Variants in BAZ1B observed in about 807,000 individuals in gnomAD.
BAZ1B encodes tyrosine-protein kinase BAZ1B.
A neutral mutation model predicts 153.8 loss-of-function variants in BAZ1B; 22 were observed. That is an observed-to-expected ratio of 0.14 (90% confidence interval 0.10 to 0.20). The LOEUF (loss-of-function observed/expected upper bound fraction) is 0.20, where lower values mean the gene tolerates loss of function less well. Among genes scored for constraint, BAZ1B ranks in the 10% least tolerant of loss-of-function variants. The probability of loss-of-function intolerance (pLI) is 1.00; values close to 1 mark genes in which losing one functional copy is unlikely to be tolerated. For synonymous variants in BAZ1B, 676 were observed against 633.4 expected, an observed-to-expected ratio of 1.07 and a Z score of -1.01; for missense variants, 1,325 against 1,799.3, an observed-to-expected ratio of 0.74 and a Z score of 4.77.
chr7:73,474,602 C>T lies in BAZ1B; in HGVS notation c.2593+2266G>A, dbSNP rs549855032. Among the ~76,000 whole-genome samples, 5 of 152,200 alleles carry T rather than the reference C, an allele frequency of 3.3e-5. No individual in the cohort carries two copies. In the South Asian group the frequency reaches 8.3e-4, roughly 25 times the overall value. On this transcript the variant is annotated intron_variant, in intron 7 of 19. Transcript: ENST00000339594. ...CCTTGCCTGGTCAACATGGTGAAAA[C>T]CCACCTCTACTAAAAATATAAAATT...
At chr7:73,517,230 T>C (rs905408545) in intron 1 of BAZ1B, among the ~76,000 whole-genome samples, 83 of 150,024 alleles carry the variant, frequency 5.5e-4, no homozygotes, top group African/African-American at 1.9e-3. Flanking sequence ...CAGTGGCTCA[T>C]ACCTGTAATT....
intron 19 of BAZ1B, 45 bp downstream of exon 19, chr7:73,442,136 T>TTGCCACCCCC: frequency 1.7e-6 from 1 of 573,492 alleles, no homozygotes; most frequent in African/African-American, 1.9e-5. Flanking sequence ...CTCGCTCGCC[T>TTGCCACCCCC]CCCTCCCACC....
At chr7:73,485,194 A>G (rs1178223618) in intron 6 of BAZ1B, among the ~76,000 whole-genome samples, 2 of 152,208 alleles carry the variant, frequency 1.3e-5, no homozygotes, top group South Asian at 4.1e-4. Flanking sequence ...TCAGCCTCCC[A>G]AAGTGTAGAA....
rs555538715 is a variant in BAZ1B, at chr7:73,511,401, C to G, written c.108-549G>C. Among the ~76,000 whole-genome samples the G allele has an allele frequency of 4.6e-5, 7 of 152,014 alleles. No individual in the cohort carries two copies. In the East Asian group the frequency reaches 1.4e-3, roughly 29 times the overall value. ...TGGGATTTACAGACTGGGATGATCA[C>G]GTCTCTAATCTCAGCATTTTGAGAG... is the stretch of plus-strand genomic sequence containing the variant. On this transcript the variant is annotated intron_variant, in intron 1 of 19. Coordinates refer to ENST00000339594, the MANE Select transcript of BAZ1B (RefSeq NM_032408.4).
chr7:73,498,647 C>G lies in BAZ1B; in HGVS notation c.421G>C (p.Glu141Gln), dbSNP rs782072571. 3 of 1,614,016 alleles carry G rather than the reference C, an allele frequency of 1.9e-6. No homozygotes were observed. Among genetic ancestry groups the G allele is most frequent in the African/African-American group, 2.7e-5 (2 of 74,932 alleles). The change falls in exon 4 of 20, where the codon GAG becomes CAG. Residue 141 changes from glutamate to glutamine, a missense_variant. Around this residue, in one of 9 missense-constraint regions of BAZ1B, gnomAD observed 153 missense variants for 204.8 expected, o/e 0.75. Transcript: ENST00000339594. ...TCAGTGGCCTCTTCATCCACTTTCT[C>G]CAAAGGATGAATCTTCACAATCTTC... The part of the protein sequence containing the change: ...KVKIVKIHPL[E>Q]KVDEEATEKK...
At chr7:73,503,621 C>T (rs1025291033) in intron 3 of BAZ1B, among the ~76,000 whole-genome samples, 2 of 152,164 alleles carry the variant, frequency 1.3e-5, no homozygotes, top group Non-Finnish European at 1.5e-5. Flanking sequence ...GCCAACCTCC[C>T]GCCTCAGCCT....
Position 73,484,096 on chromosome 7 carries a change from T to C in BAZ1B, c.891+5098A>G, listed in dbSNP as rs1789303327. Among the ~76,000 whole-genome samples, 3 of 152,258 alleles carry C rather than the reference T, an allele frequency of 2.0e-5. 1 individual carries two copies. The highest frequency in any genetic ancestry group is 7.2e-5 in the African/African-American group (3 of 41,552). ...TCCTGGCCAACATGGTGAAACCCCA[T>C]GTCTACCAAAAATAGAAAAATTAGC... On this transcript the variant is annotated intron_variant, in intron 6 of 19. Transcript: ENST00000339594.
Position 73,450,697 on chromosome 7 carries a change from A to G in BAZ1B, c.3580+150T>C. The G allele has an allele frequency of 2.3e-6, 2 of 851,332 alleles. No homozygotes were observed. The allele number at this position is 851,332 out of a possible 1,614,324, so 52.7% of individuals were successfully genotyped here. ...GATTCCCTGGCACGACATTTCAAAG[A>G]CTGGCATGTTACAGACCTGCAGGAG... On this transcript the variant is annotated intron_variant, in intron 14 of 19. Transcript: ENST00000339594. This position sits in a 1 kb window ranked among gnomAD's most constrained non-coding sequence, Gnocchi z 4.1.
intron 15 of BAZ1B, among the ~76,000 whole-genome samples, chr7:73,447,856 A>T (rs1787895995): frequency 6.6e-6 from 1 of 152,202 alleles, no homozygotes; most frequent in Non-Finnish European, 1.5e-5. Context: ...TGACCATAAT[A>T]TCAAAGCAGT....
At chr7:73,468,510 ATT>A (rs1329601752) in intron 9 of BAZ1B, among the ~76,000 whole-genome samples, 7 of 152,278 alleles carry the variant, frequency 4.6e-5, no homozygotes, top group Non-Finnish European at 7.4e-5. Flanking sequence ...TTTAATTAAA[ATT>A]TGTTTTATTT....
rs375728927 is a variant in BAZ1B at position 73,450,349 on chromosome 7, C to A, written c.3580+498G>T. Among the ~76,000 whole-genome samples, 2 of 152,194 alleles carry A rather than the reference C, an allele frequency of 1.3e-5. No homozygotes were observed. The highest frequency in any genetic ancestry group is 6.5e-5 in the Admixed American group (1 of 15,276). On this transcript the variant is annotated intron_variant, in intron 14 of 19. Transcript: ENST00000339594. This position sits in a 1 kb window ranked among gnomAD's most constrained non-coding sequence, Gnocchi z 4.1. ...GCTTTACAGCAACTGAATGATTTTA[C>A]GTAGATCTTTTCATCTCTAACCTAA...
At position 73,477,993 on chromosome 7, in the gene BAZ1B, C is replaced by T; in HGVS notation, c.1468G>A (p.Asp490Asn). Residue 490 changes from aspartate to asparagine, a missense_variant, in exon 7 of 20, where the codon GAC becomes AAC. Transcript: ENST00000339594. This position sits in a 1 kb window ranked among gnomAD's most constrained non-coding sequence, Gnocchi z 5.6. ...ACACAGGACAGGGCGCTCCTCTTGT[C>T]CTCCCTGTCTTTGTTTTCTTTGTAG... ...AYYKENKDRE[D>N]KRSALSCVIS... The T allele has an allele frequency of 4.3e-6, 7 of 1,614,074 alleles. No homozygotes were observed. Among genetic ancestry groups the T allele is most frequent in the Non-Finnish European group, 4.2e-6 (5 of 1,180,022 alleles).
At chr7:73,470,596 A>G in intron 7 of BAZ1B, 113 bp from the exon 8 acceptor site, 1 of 1,274,106 alleles carries the variant, frequency 7.8e-7, no homozygotes, top group Non-Finnish European at 1.1e-6. Context: ...ATCAAATCTT[A>G]GTTTGCTTTC....
intron 5 of BAZ1B, among the ~76,000 whole-genome samples, chr7:73,491,114 C>T (rs1554575412): frequency 1.3e-5 from 2 of 151,678 alleles, no homozygotes; most frequent in East Asian, 4.0e-4. Flanking sequence ...AGTGAAATCC[C>T]GTATCTACTA....
At chr7:73,509,205 C>T (rs1429849167) in intron 2 of BAZ1B, among the ~76,000 whole-genome samples, 1 of 151,674 alleles carries the variant, frequency 6.6e-6, no homozygotes, top group Non-Finnish European at 1.5e-5. Flanking sequence ...GCCTGTAATC[C>T]CAGCTACTCG....
At chr7:73,498,922 T>A (rs1236290775) in intron 3 of BAZ1B, among the ~76,000 whole-genome samples, 1 of 152,250 alleles carries the variant, frequency 6.6e-6, no homozygotes, top group African/African-American at 2.4e-5. Flanking sequence ...TCTAGGTTCA[T>A]GATTCATGTA....
At position 73,442,743 on chromosome 7, in the gene BAZ1B, C is replaced by T. The variant is rs1250856393; in HGVS notation, c.4076G>A (p.Arg1359His). Reference sequence around the variant, plus strand: ...CACTCACCTGAAGGGCCAGCTGAAGCGGTACTTCACGATCTTGTGGAGGAT... The same window carrying T: ...CACTCACCTGAAGGGCCAGCTGAAGTGGTACTTCACGATCTTGTGGAGGAT... ...EEILHKIVKY[R>H]FSWPFREPVT... Residue 1359 changes from arginine (R) to histidine (H), a missense_variant, in exon 18 of 20, where the codon CGC (arginine) becomes CAC (histidine). Physicochemically the swap from Arg to His is conservative, Grantham distance 29. Coordinates refer to ENST00000339594, the MANE Select transcript of BAZ1B (RefSeq NM_032408.4). The T allele has an allele frequency of 2.5e-6, 4 of 1,614,056 alleles. No individual in the cohort carries two copies. The highest frequency in any genetic ancestry group is 1.1e-5 in the South Asian group (1 of 91,086).
At chr7:73,518,800 A>G (rs557710705) in intron 1 of BAZ1B, among the ~76,000 whole-genome samples, 1 of 152,336 alleles carries the variant, frequency 6.6e-6, no homozygotes, top group Admixed American at 6.5e-5. Flanking sequence ...CATACCCTCA[A>G]TAAATTCTCA....
At chr7:73,510,530 T>C (rs1442082442) in intron 2 of BAZ1B, among the ~76,000 whole-genome samples, 1 of 152,192 alleles carries the variant, frequency 6.6e-6, no homozygotes, top group Non-Finnish European at 1.5e-5. Flanking sequence ...CCTAAACAAG[T>C]GCACCTATAA....
Sources: allele counts gnomAD v4.1 joint callset (sites outside exome capture counted in the v4.1 genomes callset), GRCh38; gene constraint gnomAD v4.1.1; regional missense constraint gnomAD v4.1.1; non-coding constraint Gnocchi (gnomAD v3.1); transcripts MANE v1.5; gene names NCBI Gene and HGNC (gene_info 2026-07-23, HGNC 2026-07-21).